PRKCQ: variants seen among roughly 807,000 people sequenced by gnomAD.
PRKCQ encodes protein kinase C theta, also known as protein kinase C theta type.
PRKCQ carries 41 observed loss-of-function variants against 91.2 expected under a neutral mutation model. That is an observed-to-expected ratio of 0.45 (90% CI 0.35 to 0.58). The LOEUF (loss-of-function observed/expected upper bound fraction) is 0.58, where lower values mean the gene tolerates loss of function less well. PRKCQ is among the 20% of genes least tolerant of loss of function. The pLI, the probability that PRKCQ is intolerant of heterozygous loss-of-function variation, is 0.00. For missense variants in PRKCQ, 673 were observed against 896.5 expected (o/e 0.75, Z 3.18); for synonymous variants, 307 against 316.9 (o/e 0.97, Z 0.33).
rs12254073 is a variant in PRKCQ, at chr10:6,437,228, G to A, written c.1836+4665C>T. 8.9e-3 allele frequency among the ~76,000 whole-genome samples: 1,357 copies of A among 152,312 alleles called. 13 individuals are homozygous for A. The highest frequency in any genetic ancestry group is 0.031 in the African/African-American group (1,282 of 41,554). ...GCCCTAACCCACAATGTAACTGTAG[G>A]TAAGGGCTTTATGGAGATAATTCGG... On this transcript the variant is annotated intron_variant, in intron 16 of 17. Transcript: ENST00000263125.
At chr10:6,477,290 A>G (rs1380935592) in intron 12 of PRKCQ, among the ~76,000 whole-genome samples, 4 of 152,236 alleles carry the variant, frequency 2.6e-5, no homozygotes, top group African/African-American at 4.8e-5. Flanking sequence ...GCTGTATTAT[A>G]TACTTCTGTA....
intron 12 of PRKCQ, among the ~76,000 whole-genome samples, chr10:6,472,950 G>T (rs80129058): frequency 0.012 from 1,895 of 152,232 alleles, 42 homozygotes; most frequent in African/African-American, 0.043. Context: ...TGACCCCAAG[G>T]TGATCCACCC....
intron 16 of PRKCQ, among the ~76,000 whole-genome samples, chr10:6,440,658 A>C (rs1329221016): frequency 6.6e-6 from 1 of 150,872 alleles, no homozygotes; most frequent in African/African-American, 2.5e-5. Flanking sequence ...CTCTGAGCAG[A>C]GGAAAGGAAG....
Position 6,430,823 on chromosome 10 carries a change from A to C in PRKCQ, c.1952T>G (p.Phe651Cys). ...ELERKEIDPP[F>C]RPKVKSPFDC... ...GCGAGTCCTTACCACTTTCGGCCGG[A>C]ACGGTGGGTCAATCTCCTTCCGTTC... is the stretch of plus-strand genomic sequence containing the variant. The change falls in exon 17 of 18, where the codon TTC becomes TGC. Residue 651 changes from phenylalanine (F) to cysteine (C), a missense_variant. Transcript: ENST00000263125. The surrounding 1 kb of genome is among the most constrained non-coding windows in gnomAD (Gnocchi z 4.7). The C allele has an allele frequency of 6.2e-7, 1 of 1,614,074 alleles. No individual in the cohort carries two copies. The highest frequency in any genetic ancestry group is 1.1e-5 in the South Asian group (1 of 91,082).
intron 1 of PRKCQ, among the ~76,000 whole-genome samples, chr10:6,543,630 TG>T (rs1365675145): frequency 6.6e-6 from 1 of 152,168 alleles, no homozygotes; most frequent in Non-Finnish European, 1.5e-5. Flanking sequence ...GCTGAAACAC[TG>T]TCCTCGATGA....
chr10:6,404,956 A>ATCTATCCTTCCT, the PRKCQ span, among the ~76,000 whole-genome samples: 5 of 139,546 alleles, frequency 3.6e-5, no homozygotes, highest in Non-Finnish European at 6.1e-5. Context: ...CCTTCCTTCT[A>ATCTATCCTTCCT]TCCTTCCTTC....
At position 6,485,360 on chromosome 10, in the gene PRKCQ, A is replaced by C. The variant is rs531881029; in HGVS notation, c.901-91T>G. The C allele has an allele frequency of 1.8e-4, 171 of 938,896 alleles. 1 individual carries two copies. In the Middle Eastern group the frequency reaches 3.0e-3, roughly 16 times the overall value. 58.2% of individuals were successfully genotyped at this position (938,896 alleles called of 1,614,324 possible). A position where few individuals can be genotyped will look rare whatever the true frequency, so the allele number is the denominator to read the frequency against. On this transcript the variant is annotated intron_variant, in intron 9 of 17. Transcript: ENST00000263125. ...AACGATGGGGACAAAGGCCATTTAA[A>C]ATGTTTAAATGCATAGGGTCAACAA...
chr10:6,422,706 C>G (rs182878387), downstream of PRKCQ, among the ~76,000 whole-genome samples: 1 of 152,280 alleles, frequency 6.6e-6, no homozygotes, highest in African/African-American at 2.4e-5. Context: ...CTTCTGCCAC[C>G]TGGGAGTAGG....
At chr10:6,409,401 T>A in the PRKCQ span, among the ~76,000 whole-genome samples, 1 of 152,204 alleles carries the variant, frequency 6.6e-6, no homozygotes, top group Non-Finnish European at 1.5e-5. Flanking sequence ...TTCAAGCGAC[T>A]CTTCTGCCTC....
the PRKCQ span, among the ~76,000 whole-genome samples, chr10:6,400,363 T>C: frequency 6.6e-6 from 1 of 152,212 alleles, no homozygotes; most frequent in Non-Finnish European, 1.5e-5. Context: ...TCTGGAAGAC[T>C]TGGAAGACAG....
chr10:6,528,845 G>T (rs1160437824), intron 1 of PRKCQ, among the ~76,000 whole-genome samples: 1 of 152,206 alleles, frequency 6.6e-6, no homozygotes, highest in East Asian at 1.9e-4. Flanking sequence ...TACTTGCAAA[G>T]GACATGTTAT....
chr10:6,483,724 T>G (rs1182980033), intron 10 of PRKCQ, 124 bp from the exon 11 acceptor site: 1 of 1,147,904 alleles, frequency 8.7e-7, no homozygotes, highest in African/African-American at 1.6e-5. Flanking sequence ...TTGGGGGTGT[T>G]TAGAGGGTTT....
intron 1 of PRKCQ, chr10:6,515,369 G>C: frequency 6.9e-7 from 1 of 1,457,548 alleles, no homozygotes; most frequent in Non-Finnish European, 9.0e-7. Context: ...CTGGAAGTCT[G>C]CACTCAACCT....
intron 8 of PRKCQ, 122 bp downstream of exon 8, chr10:6,491,561 G>T: frequency 7.4e-7 from 1 of 1,344,778 alleles, no homozygotes; most frequent in South Asian, 1.5e-5. Flanking sequence ...TTATGATCAT[G>T]ACTTGTCTGG....
At chr10:6,507,524 G>GTCA in intron 3 of PRKCQ, 28 bp from the exon 4 acceptor site, 1 of 1,597,940 alleles carries the variant, frequency 6.3e-7, no homozygotes, top group South Asian at 1.1e-5. Context: ...AGAAACATCA[G>GTCA]TCAGAATGTG....
At chr10:6,447,899 T>A (rs550059773) in intron 15 of PRKCQ, among the ~76,000 whole-genome samples, 1 of 152,274 alleles carries the variant, frequency 6.6e-6, no homozygotes, top group South Asian at 2.1e-4. Context: ...CTAACATTTC[T>A]CTAAGGCACT....
chr10:6,399,120 A>G, the PRKCQ span, among the ~76,000 whole-genome samples: 4 of 152,198 alleles, frequency 2.6e-5, no homozygotes, highest in East Asian at 1.9e-4. Flanking sequence ...GAGACTGTCA[A>G]TGTAAACTCC....
chr10:6,537,064 G>C (rs930986428), intron 1 of PRKCQ, among the ~76,000 whole-genome samples: 1 of 152,210 alleles, frequency 6.6e-6, no homozygotes, highest in African/African-American at 2.4e-5. Flanking sequence ...AGAAAGATGG[G>C]GCGCAGTGGG....
chr10:6,484,380 T>C lies in PRKCQ; in HGVS notation c.1018+772A>G, dbSNP rs555907422. Among the ~76,000 whole-genome samples, 35 of 152,116 alleles carry C rather than the reference T, an allele frequency of 2.3e-4. No homozygotes were observed. In the South Asian group the frequency reaches 3.5e-3, roughly 15 times the overall value. ...AGTGAGCTGAGATTGTGCCACTGCATTGTAGCCTGGGCCACAGAGCAAGAC... is the reference window on the plus strand; with the variant it reads ...AGTGAGCTGAGATTGTGCCACTGCACTGTAGCCTGGGCCACAGAGCAAGAC... On this transcript the variant is annotated intron_variant, in intron 10 of 17. Transcript: ENST00000263125.
Sources: gnomAD v4.1 joint callset for allele counts (sites outside exome capture counted in the v4.1 genomes callset) on GRCh38, gnomAD v4.1.1 for gene constraint, Gnocchi (gnomAD v3.1) non-coding constraint, MANE v1.5 for transcripts, NCBI Gene and HGNC (gene_info 2026-07-23, HGNC 2026-07-21) for gene names.